SGCD: variants seen among roughly 807,000 people sequenced by gnomAD.
SGCD encodes the protein delta-sarcoglycan.
SGCD carries 18 observed loss-of-function variants against 36.6 expected under a neutral mutation model. That is an observed-to-expected ratio of 0.49 (90% CI 0.34 to 0.73). The LOEUF (loss-of-function observed/expected upper bound fraction) is 0.73. Ranked by LOEUF, SGCD falls within the 30% of genes least tolerant of loss-of-function variation. SGCD has a pLI of 0.01. For missense variants in SGCD, 387 were observed against 346.7 expected, an observed-to-expected ratio of 1.12 and a Z score of -0.92; for synonymous variants, 133 against 130.6, an observed-to-expected ratio of 1.02 and a Z score of -0.12.
intron 3 of SGCD, among the ~76,000 whole-genome samples, chr5:156,288,743 T>A (rs1766681317): frequency 6.6e-6 from 1 of 152,168 alleles, no homozygotes; most frequent in Non-Finnish European, 1.5e-5. Context: ...TTTTCAGATA[T>A]CCAGCATTTG....
chr5:156,669,768 T>G (rs1353759396), intron 7 of SGCD, among the ~76,000 whole-genome samples: 1 of 152,202 alleles, frequency 6.6e-6, no homozygotes, highest in Non-Finnish European at 1.5e-5. Flanking sequence ...CTGCTATTCA[T>G]GATTTCCATT....
At chr5:155,905,892 C>T (rs1283662635) in intron 1 of SGCD, among the ~76,000 whole-genome samples, 1 of 152,098 alleles carries the variant, frequency 6.6e-6, no homozygotes, top group Non-Finnish European at 1.5e-5. Flanking sequence ...TCCAATGAAA[C>T]CCTTTTTCTT....
At chr5:155,729,581 G>C in the SGCD span, among the ~76,000 whole-genome samples, 7,373 of 152,268 alleles carry the variant, frequency 0.048, 224 homozygotes, top group Middle Eastern at 0.075. Context: ...CGGGTTTTAG[G>C]GGCGCACAAT....
intron 1 of SGCD, among the ~76,000 whole-genome samples, chr5:155,898,064 C>T (rs753352061): frequency 2.6e-5 from 4 of 152,202 alleles, no homozygotes; most frequent in Non-Finnish European, 5.9e-5. Context: ...GGTTTGGACT[C>T]GGAAATTCAA....
the SGCD span, among the ~76,000 whole-genome samples, chr5:155,855,116 C>T: frequency 4.5e-3 from 679 of 152,294 alleles, 8 homozygotes; most frequent in African/African-American, 0.015. Context: ...CGACCTTTAA[C>T]TGCCAACATC....
chr5:156,717,970 C>T (rs1439370193), intron 7 of SGCD, among the ~76,000 whole-genome samples: 1 of 152,130 alleles, frequency 6.6e-6, no homozygotes, highest in African/African-American at 2.4e-5. Context: ...GTTCTTCCAT[C>T]CTGACAGTAC....
At chr5:156,115,147 T>C (rs1054255881) in intron 1 of SGCD, among the ~76,000 whole-genome samples, 3 of 152,104 alleles carry the variant, frequency 2.0e-5, no homozygotes, top group African/African-American at 7.2e-5. Flanking sequence ...ATTGTTTTTA[T>C]ATTAACTTTT....
At chr5:156,311,635 G>A (rs1767392465) in intron 3 of SGCD, among the ~76,000 whole-genome samples, 1 of 152,108 alleles carries the variant, frequency 6.6e-6, no homozygotes, top group African/African-American at 2.4e-5. Context: ...CTGGGGTTAG[G>A]GCAGGGCTCT....
At chr5:156,018,599 T>C (rs1196939370) in intron 1 of SGCD, among the ~76,000 whole-genome samples, 5 of 152,236 alleles carry the variant, frequency 3.3e-5, no homozygotes, top group Admixed American at 2.6e-4. Flanking sequence ...CCAGCCATCA[T>C]TTATCCATCT....
At chr5:155,904,741 CT>C (rs1379362032) in intron 1 of SGCD, among the ~76,000 whole-genome samples, 2 of 152,102 alleles carry the variant, frequency 1.3e-5, no homozygotes, top group East Asian at 3.9e-4. Flanking sequence ...AAAAATACAA[CT>C]GTAATCTCAA....
intron 3 of SGCD, among the ~76,000 whole-genome samples, chr5:156,455,722 A>T (rs1754228577): frequency 6.6e-6 from 1 of 152,178 alleles, no homozygotes; most frequent in African/African-American, 2.4e-5. Context: ...TTTTTATTTT[A>T]AAAAATGTAT....
At chr5:156,502,438 G>A (rs1188986887) in intron 3 of SGCD, among the ~76,000 whole-genome samples, 1 of 151,618 alleles carries the variant, frequency 6.6e-6, no homozygotes, top group Admixed American at 6.6e-5. Context: ...GGGCTCAAGT[G>A]ATCTTCCTGC....
At chr5:156,516,843 A>G (rs1048859535) in intron 4 of SGCD, among the ~76,000 whole-genome samples, 6 of 152,144 alleles carry the variant, frequency 3.9e-5, no homozygotes, top group Non-Finnish European at 7.4e-5. Context: ...CTAAAAGTAC[A>G]AAAATTAGCC....
At chr5:155,891,722 G>A (rs1001629252) in intron 1 of SGCD, among the ~76,000 whole-genome samples, 11 of 151,850 alleles carry the variant, frequency 7.2e-5, no homozygotes, top group Non-Finnish European at 1.5e-4. Flanking sequence ...GGTGTCTGAT[G>A]CCCCACAGAG....
intron 1 of SGCD, among the ~76,000 whole-genome samples, chr5:155,918,797 C>A (rs1756810676): frequency 6.6e-6 from 1 of 152,202 alleles, no homozygotes. Context: ...GGCTTCTATG[C>A]AATCTCTAGC....
chr5:156,277,391 G>A lies in SGCD; in HGVS notation c.-43-52143G>A, dbSNP rs548642043. On this transcript the variant is annotated intron_variant, in intron 3 of 9. Coordinates refer to the SGCD transcript ENST00000517913. Reference sequence around the variant, plus strand: ...TTATTCTGGAGCTTGAAGTTTTGCCGATGGTTAGTAGCTAACAGGTATAAA... The same window carrying A: ...TTATTCTGGAGCTTGAAGTTTTGCCAATGGTTAGTAGCTAACAGGTATAAA... 5.3e-5 allele frequency among the ~76,000 whole-genome samples: 8 copies of A among 152,152 alleles called. No homozygotes were observed. In the East Asian group the frequency reaches 9.7e-4, roughly 18 times the overall value.
chr5:156,017,281 T>TCAAAA (rs1759006261), intron 1 of SGCD, among the ~76,000 whole-genome samples: 2 of 152,192 alleles, frequency 1.3e-5, no homozygotes, highest in Admixed American at 1.3e-4. Context: ...ATTTTTCATT[T>TCAAAA]GTGTTCCAGC....
At chr5:155,849,789 C>G in the SGCD span, among the ~76,000 whole-genome samples, 1 of 152,118 alleles carries the variant, frequency 6.6e-6, no homozygotes, top group African/African-American at 2.4e-5. Context: ...AATAGACACC[C>G]CAAATGTTAC....
In SGCD at chr5:156,762,189, A is replaced by G. The variant is rs544651779; in HGVS notation, c.*2799A>G. 66 of 152,622 alleles carry G rather than the reference A, an allele frequency of 4.3e-4. No individual in the cohort carries two copies. Among genetic ancestry groups the G allele is most frequent in the African/African-American group, 1.5e-3 (64 of 41,540 alleles). The allele number at this position is 152,622 out of a possible 1,614,324, so 9.5% of individuals were successfully genotyped here. A position where few individuals can be genotyped will look rare whatever the true frequency, so the allele number is the denominator to read the frequency against. ...ATTCTTTCTAATCTTTATATATGAC[A>G]TTTTCTAGACAATCGCACCTTTGGG... On this transcript the variant is annotated 3_prime_UTR_variant, in exon 9 of 9. Coordinates refer to ENST00000337851, the MANE Select transcript of SGCD (RefSeq NM_000337.6).
Sources: allele counts gnomAD v4.1 joint callset (sites outside exome capture counted in the v4.1 genomes callset), GRCh38; gene constraint gnomAD v4.1.1; transcripts MANE v1.5; gene names NCBI Gene and HGNC (gene_info 2026-07-23, HGNC 2026-07-21).